RNF17: variants seen among roughly 807,000 people sequenced by gnomAD.
The protein encoded by RNF17 is ring finger protein 17, also known as spermatogenesis associated 23.
In RNF17, 31 loss-of-function variants were observed where a neutral mutation model predicts 200.5. The ratio of observed to expected loss-of-function variants is 0.15; its 90% confidence interval spans 0.12 to 0.21. The LOEUF (loss-of-function observed/expected upper bound fraction) is 0.21, where lower values mean the gene tolerates loss of function less well. Among genes scored for constraint, RNF17 ranks in the 10% least tolerant of loss-of-function variants. RNF17 has a pLI of 1.00. For missense variants in RNF17, 1,628 were observed against 1,905.1 expected (o/e 0.85, Z 2.71); for synonymous variants, 606 against 637.8 (o/e 0.95, Z 0.75).
At chr13:24,851,196 G>A (rs778784267) in intron 23 of RNF17, among the ~76,000 whole-genome samples, 1 of 152,186 alleles carries the variant, frequency 6.6e-6, no homozygotes, top group Non-Finnish European at 1.5e-5. Flanking sequence ...GTTTCCCCAT[G>A]TTGGTCAGGC....
intron 24 of RNF17, among the ~76,000 whole-genome samples, chr13:24,851,911 G>T (rs1025729025): frequency 6.6e-6 from 1 of 151,980 alleles, no homozygotes; most frequent in South Asian, 2.1e-4. Context: ...AGACATAAAT[G>T]TTTAGGCTTT....
At chr13:24,800,996 T>C (rs1397489744) in intron 13 of RNF17, among the ~76,000 whole-genome samples, 1 of 152,222 alleles carries the variant, frequency 6.6e-6, no homozygotes, top group Non-Finnish European at 1.5e-5. Flanking sequence ...GTTGTATTCT[T>C]ACAAGGTCTA....
intron 31 of RNF17, 25 bp from the exon 32 acceptor site, chr13:24,870,546 T>A (rs375041568): frequency 1.3e-6 from 2 of 1,592,910 alleles, no homozygotes; most frequent in Non-Finnish European, 1.7e-6. Flanking sequence ...AATCTGAAAG[T>A]TTTCCTTTCA....
chr13:24,758,881 T>G, the RNF17 span, among the ~76,000 whole-genome samples: 1 of 151,792 alleles, frequency 6.6e-6, no homozygotes, highest in East Asian at 1.9e-4. Flanking sequence ...TCCAAGACCA[T>G]CCTGGCCAAC....
At chr13:24,842,517 A>G (rs1356975435) in intron 19 of RNF17, among the ~76,000 whole-genome samples, 1 of 152,214 alleles carries the variant, frequency 6.6e-6, no homozygotes, top group African/African-American at 2.4e-5. Flanking sequence ...GTGGTAGAGT[A>G]GCTTACATTT....
At chr13:24,764,616 T>C (rs894161209) in intron 1 of RNF17, among the ~76,000 whole-genome samples, 4 of 152,122 alleles carry the variant, frequency 2.6e-5, no homozygotes, top group Admixed American at 2.0e-4. Flanking sequence ...TTTAATCTAC[T>C]CCTCACAAGG....
intron 1 of RNF17, 111 bp downstream of exon 1, chr13:24,764,444 C>T (rs1355845040): frequency 7.2e-7 from 1 of 1,396,476 alleles, no homozygotes; most frequent in Non-Finnish European, 9.4e-7. Flanking sequence ...ATCCTGGTGT[C>T]ACCAGAAACT....
chr13:24,823,647 G>A (rs1165068043), intron 15 of RNF17, among the ~76,000 whole-genome samples: 3 of 152,184 alleles, frequency 2.0e-5, no homozygotes, highest in Admixed American at 2.0e-4. Flanking sequence ...ATCAGCCTGA[G>A]GTCATAGTTA....
At chr13:24,808,052 T>TGTA (rs1225980034) in intron 15 of RNF17, among the ~76,000 whole-genome samples, 4 of 151,306 alleles carry the variant, frequency 2.6e-5, no homozygotes, top group Admixed American at 6.6e-5. Flanking sequence ...ACTGTAGCCT[T>TGTA]GTAGTATAGT....
intron 15 of RNF17, among the ~76,000 whole-genome samples, chr13:24,806,505 A>G (rs1885864513): frequency 6.6e-6 from 1 of 152,104 alleles, no homozygotes; most frequent in Admixed American, 6.6e-5. Flanking sequence ...CATCCTCTCC[A>G]GCATCTGATC....
chr13:24,775,710 A>T (rs1417026165), intron 3 of RNF17, among the ~76,000 whole-genome samples: 3 of 152,074 alleles, frequency 2.0e-5, no homozygotes, highest in African/African-American at 7.2e-5. Context: ...GCATTAATAG[A>T]TTCTCTTTTT....
intron 15 of RNF17, among the ~76,000 whole-genome samples, chr13:24,816,342 C>CT (rs1887404394): frequency 6.6e-6 from 1 of 152,148 alleles, no homozygotes; most frequent in African/African-American, 2.4e-5. Context: ...TTGTTTAAAA[C>CT]TGAGTTATAC....
Position 24,796,248 on chromosome 13 carries a change from T to G in RNF17, c.1352T>G (p.Phe451Cys). Residue 451 changes from phenylalanine (F) to cysteine (C), a missense_variant, in exon 11 of 36, where the codon TTT (phenylalanine) becomes TGT (cysteine). Coordinates refer to ENST00000255324, the MANE Select transcript of RNF17 (RefSeq NM_031277.3). ...AKVLEKKVNE[F>C]CNRSSHLDPS... The stretch of plus-strand genomic sequence containing the variant: ...GTACTGGAGAAGAAGGTGAATGAAT[T>G]TTGCAATAGGAGTTCACACCTTGAT... 6.2e-7 allele frequency: 1 copy of G among 1,612,342 alleles called. No homozygotes were observed. Among genetic ancestry groups the G allele is most frequent in the East Asian group, 2.2e-5 (1 of 44,816 alleles).
At chr13:24,794,250 G>A (rs1193521944) in intron 10 of RNF17, 4 of 456,176 alleles carry the variant, frequency 8.8e-6, no homozygotes, top group South Asian at 6.2e-5. Flanking sequence ...AGCAGATACT[G>A]TAACAACTGT....
the RNF17 span, chr13:24,885,814 A>G: frequency 1.5e-6 from 1 of 673,940 alleles, no homozygotes; most frequent in African/African-American, 1.8e-5. Context: ...TTTCTTTACT[A>G]ATTTGTAGTT....
rs564459527 is a variant in RNF17 at position 24,769,188 on chromosome 13, T to TA, written c.225+1834dup. Among the ~76,000 whole-genome samples the TA allele has an allele frequency of 9.2e-4, 131 of 142,990 alleles. 1 individual carries two copies. The highest frequency in any genetic ancestry group is 1.2e-3 in the East Asian group (6 of 4,990). The allele number at this position is 142,990 out of a possible 152,430, so 93.8% of individuals were successfully genotyped here. A position where few individuals can be genotyped will look rare whatever the true frequency, so the allele number is the denominator to read the frequency against. ...GTCCATATCCGTCCTGTTCTAATAT[T>TA]AAAAAAAAAAAAGACTTGGCAAATG... On this transcript the variant is annotated intron_variant, in intron 2 of 35. Transcript: ENST00000255324.
downstream of RNF17, chr13:24,884,226 G>A: frequency 6.2e-7 from 1 of 1,614,144 alleles, no homozygotes; most frequent in Non-Finnish European, 8.5e-7. Context: ...AGTGGTCTGG[G>A]CAGCTGCATA....
chr13:24,759,190 T>G (rs558312613), upstream of RNF17, among the ~76,000 whole-genome samples: 1 of 151,208 alleles, frequency 6.6e-6, no homozygotes, highest in African/African-American at 2.4e-5. Context: ...TGAGGACACA[T>G]GACATACACC....
intron 25 of RNF17, among the ~76,000 whole-genome samples, chr13:24,856,230 G>A (rs1302999368): frequency 6.6e-6 from 1 of 151,960 alleles, no homozygotes; most frequent in Non-Finnish European, 1.5e-5. Context: ...GACCAGCCTG[G>A]CCAATGTGGT....
Sources: gnomAD v4.1 joint callset for allele counts (sites outside exome capture counted in the v4.1 genomes callset) on GRCh38, gnomAD v4.1.1 for gene constraint, MANE v1.5 for transcripts, NCBI Gene and HGNC (gene_info 2026-07-23, HGNC 2026-07-21) for gene names.